The following HSF2 variants were observed in gnomAD, a reference collection of about 807,000 sequenced individuals.
The protein encoded by HSF2 is heat shock transcription factor 2, also known as heat shock factor protein 2.
Under a neutral mutation model 65.0 loss-of-function variants are expected in HSF2, and 21 were observed. That is an observed-to-expected ratio of 0.32 (90% CI 0.23 to 0.47). The LOEUF is 0.47. HSF2 is among the 20% of genes least tolerant of loss of function. The pLI is 1.00. For synonymous variants in HSF2, 225 were observed against 219.1 expected, an observed-to-expected ratio of 1.03 and a Z score of -0.24; for missense variants, 499 against 628.1, an observed-to-expected ratio of 0.79 and a Z score of 2.20.
intron 11 of HSF2, among the ~76,000 whole-genome samples, chr6:122,428,892 A>G (rs1382743621): frequency 6.6e-6 from 1 of 152,082 alleles, no homozygotes; most frequent in African/African-American, 2.4e-5. Context: ...GAAGTTGATT[A>G]TACATTCAGT....
chr6:122,402,528 A>G (rs1454303255), intron 1 of HSF2, among the ~76,000 whole-genome samples: 1 of 151,984 alleles, frequency 6.6e-6, no homozygotes, highest in Non-Finnish European at 1.5e-5. Context: ...TGAATTTCCA[A>G]GTGGCAGAGA....
intron 1 of HSF2, among the ~76,000 whole-genome samples, chr6:122,402,193 C>G (rs1773753541): frequency 6.6e-6 from 1 of 152,216 alleles, no homozygotes; most frequent in Non-Finnish European, 1.5e-5. Context: ...GATCAGTCTT[C>G]CACCAATAGA....
intron 11 of HSF2, 52 bp from the exon 12 acceptor site, chr6:122,431,378 C>A: frequency 3.4e-6 from 3 of 882,546 alleles, no homozygotes; most frequent in Non-Finnish European, 3.2e-6. Flanking sequence ...TCATTTTTTT[C>A]AGAAACATAA....
intron 2 of HSF2, 33 bp from the exon 3 acceptor site, chr6:122,412,604 A>G (rs1774025817): frequency 1.9e-6 from 3 of 1,603,356 alleles, no homozygotes; most frequent in Non-Finnish European, 2.6e-6. Flanking sequence ...TGACTTGTTT[A>G]TTTTAGTCAT....
At chr6:122,405,353 TG>T (rs1562197306) in intron 1 of HSF2, among the ~76,000 whole-genome samples, 1 of 151,812 alleles carries the variant, frequency 6.6e-6, no homozygotes, top group Non-Finnish European at 1.5e-5. Context: ...ATAAACTGTG[TG>T]TCGGTTAAGA....
intron 1 of HSF2, among the ~76,000 whole-genome samples, chr6:122,409,876 AT>A (rs1773951479): frequency 6.6e-6 from 1 of 151,802 alleles, no homozygotes; most frequent in Admixed American, 6.6e-5. Flanking sequence ...TCGAGCTCTT[AT>A]TTTTCTTCCC....
At chr6:122,425,284 C>T (rs1450277939) in intron 10 of HSF2, among the ~76,000 whole-genome samples, 1 of 151,988 alleles carries the variant, frequency 6.6e-6, no homozygotes, top group Non-Finnish European at 1.5e-5. Context: ...TGCTTATTAA[C>T]TCAAACTCTG....
intron 1 of HSF2, among the ~76,000 whole-genome samples, chr6:122,400,450 C>T (rs1191103280): frequency 1.3e-5 from 2 of 152,146 alleles, no homozygotes; most frequent in African/African-American, 4.8e-5. Context: ...AGATTCTGTG[C>T]TATTTGTATA....
chr6:122,399,931 C>G lies in HSF2; in HGVS notation c.93+101C>G, dbSNP rs942305581. 28 of 893,172 alleles carry G rather than the reference C, an allele frequency of 3.1e-5. No individual in the cohort carries two copies. The African/African-American group carries it at 4.4e-4, about 14-fold the overall frequency. 55.3% of individuals were successfully genotyped at this position (893,172 alleles called of 1,614,324 possible). On this transcript the variant is annotated intron_variant, in intron 1 of 12. Transcript: ENST00000368455. Reference sequence around the variant, plus strand: ...TCGCGGCCTTGCGGCTCGACGCTGTCTGCGAGGCCCGCGGTGCGGGGCCTT... The same window carrying G: ...TCGCGGCCTTGCGGCTCGACGCTGTGTGCGAGGCCCGCGGTGCGGGGCCTT...
intron 12 of HSF2, 78 bp from the exon 13 acceptor site, chr6:122,431,845 ATC>A: frequency 1.6e-6 from 2 of 1,239,870 alleles, no homozygotes; most frequent in Non-Finnish European, 2.3e-6. Context: ...CTATGTGTAC[ATC>A]TCTGTTTTCA....
chr6:122,425,925 A>T (rs944104085), intron 10 of HSF2, among the ~76,000 whole-genome samples: 5 of 152,106 alleles, frequency 3.3e-5, no homozygotes, highest in Non-Finnish European at 7.4e-5. Flanking sequence ...ATTTAACAAT[A>T]AACTTCTTTA....
chr6:122,408,978 A>C (rs1227452505), intron 1 of HSF2, among the ~76,000 whole-genome samples: 1 of 151,966 alleles, frequency 6.6e-6, no homozygotes, highest in Non-Finnish European at 1.5e-5. Flanking sequence ...TACTGAGTTA[A>C]AGAACATAGT....
At chr6:122,431,789 G>T (rs571962719) in intron 12 of HSF2, 136 bp from the exon 13 acceptor site, 76 of 702,326 alleles carry the variant, frequency 1.1e-4, no homozygotes, top group Admixed American at 8.9e-4. Flanking sequence ...TATTGACATA[G>T]TGCATCATGT....
intron 10 of HSF2, among the ~76,000 whole-genome samples, chr6:122,427,483 T>A (rs1443325428): frequency 6.6e-6 from 1 of 151,992 alleles, no homozygotes; most frequent in African/African-American, 2.4e-5. Context: ...TAGAGCAGAT[T>A]CTGTAAATTT....
chr6:122,416,410 G>T, intron 5 of HSF2, 114 bp downstream of exon 5: 1 of 575,712 alleles, frequency 1.7e-6, no homozygotes, highest in South Asian at 2.7e-5. Flanking sequence ...CTTACATATT[G>T]GATGCACAGA....
At chr6:122,407,729 G>A (rs2114424854) in intron 1 of HSF2, among the ~76,000 whole-genome samples, 1 of 152,108 alleles carries the variant, frequency 6.6e-6, no homozygotes, top group South Asian at 2.1e-4. Flanking sequence ...CTTTTCCAAT[G>A]ATCTATATTG....
chr6:122,414,397 A>G lies in HSF2; in HGVS notation c.455+748A>G, dbSNP rs553879117. Reference sequence around the variant, plus strand: ...ATGTGAGACGTTACTTTAGTTAATCATAACTCAAATATCTTCATTAAAAGA... The same window carrying G: ...ATGTGAGACGTTACTTTAGTTAATCGTAACTCAAATATCTTCATTAAAAGA... On this transcript the variant is annotated intron_variant, in intron 4 of 12. Coordinates refer to ENST00000368455, the MANE Select transcript of HSF2 (RefSeq NM_004506.4). 2.0e-5 allele frequency among the ~76,000 whole-genome samples: 3 copies of G among 152,324 alleles called. 1 individual carries two copies. The South Asian group carries it at 6.2e-4, about 32-fold the overall frequency.
chr6:122,425,246 CTA>C (rs1360793884), intron 10 of HSF2, among the ~76,000 whole-genome samples: 2 of 151,998 alleles, frequency 1.3e-5, no homozygotes, highest in Non-Finnish European at 2.9e-5. Flanking sequence ...CTTTTTTACT[CTA>C]TTTTGTCTGA....
At chr6:122,402,841 C>A (rs143522207) in intron 1 of HSF2, among the ~76,000 whole-genome samples, 2 of 152,032 alleles carry the variant, frequency 1.3e-5, no homozygotes, top group African/African-American at 2.4e-5. Flanking sequence ...TGTGAGCCAC[C>A]GGCGCCCAGG....
Sources: allele counts gnomAD v4.1 joint callset (sites outside exome capture counted in the v4.1 genomes callset), GRCh38; gene constraint gnomAD v4.1.1; transcripts MANE v1.5; gene names NCBI Gene and HGNC (gene_info 2026-07-23, HGNC 2026-07-21).